Variants in RMND5A observed in about 807,000 individuals in gnomAD.
RMND5A encodes the protein required for meiotic nuclear division 5 homolog A, also known as E3 ubiquitin-protein transferase RMND5A.
RMND5A carries 17 observed loss-of-function variants against 49.7 expected under a neutral mutation model. The ratio of observed to expected loss-of-function variants is 0.34; its 90% CI spans 0.23 to 0.51. The LOEUF (loss-of-function observed/expected upper bound fraction) is 0.51, where lower values mean the gene tolerates loss of function less well. RMND5A is among the 20% of genes least tolerant of loss of function. RMND5A has a pLI of 0.96. For synonymous variants in RMND5A, 156 were observed against 167.7 expected (o/e 0.93, Z 0.54); for missense variants, 255 against 471.3 (o/e 0.54, Z 4.25).
chr2:86,752,921 A>C (rs1681660839), intron 3 of RMND5A, among the ~76,000 whole-genome samples: 1 of 152,174 alleles, frequency 6.6e-6, no homozygotes, highest in Non-Finnish European at 1.5e-5. Flanking sequence ...TGTCCATGTA[A>C]TTTCCTGCAG....
chr2:86,742,934 A>C (rs1681474294), intron 2 of RMND5A, among the ~76,000 whole-genome samples: 1 of 152,028 alleles, frequency 6.6e-6, no homozygotes. Context: ...TGTGTGGGCT[A>C]CTGACCAGGA....
intron 4 of RMND5A, 83 bp downstream of exon 4, chr2:86,753,641 T>C (rs1432388469): frequency 3.0e-6 from 2 of 658,292 alleles, no homozygotes; most frequent in African/African-American, 3.7e-5. Flanking sequence ...TAGAGATTTT[T>C]AGATATATTT....
In RMND5A at chr2:86,720,565, C is replaced by T. The variant is rs1681181162; in HGVS notation, c.-103C>T. ...CCTCGGCCGCCTCAGCCTCCCGCGC[C>T]GCCCGCTTGGGGAACGAGGAGCAGG... On this transcript the variant is annotated 5_prime_UTR_variant, in exon 1 of 9. Transcript: ENST00000283632. 4.1e-5 allele frequency: 44 copies of T among 1,077,354 alleles called. No homozygotes were observed. The highest frequency in any genetic ancestry group is 5.2e-5 in the Non-Finnish European group (44 of 854,336). The allele number at this position is 1,077,354 out of a possible 1,614,324, so 66.7% of individuals were successfully genotyped here. A position where few individuals can be genotyped will look rare whatever the true frequency, so the allele number is the denominator to read the frequency against.
In RMND5A at chr2:86,775,340, T is replaced by C. The variant is rs1672750427; in HGVS notation, c.*1929T>C. ...TTTTTCTTTCTTTCTTTTTTTTTTT[T>C]TTTTTTTTTACCCTTTTTCTCCTTA... On this transcript the variant is annotated 3_prime_UTR_variant, in exon 9 of 9. Coordinates refer to ENST00000283632, the MANE Select transcript of RMND5A (RefSeq NM_022780.4). 1.3e-5 allele frequency: 2 copies of C among 150,310 alleles called. No homozygotes were observed. The highest frequency in any genetic ancestry group is 6.6e-5 in the Admixed American group (1 of 15,112). 9.3% of individuals were successfully genotyped at this position (150,310 alleles called of 1,614,324 possible). A position where few individuals can be genotyped will look rare whatever the true frequency, so the allele number is the denominator to read the frequency against.
rs1203793797 is a variant in RMND5A at position 86,774,277 on chromosome 2, G to A, written c.*866G>A. On this transcript the variant is annotated 3_prime_UTR_variant, in exon 9 of 9. Transcript: ENST00000283632. ...TATATCATTGCAGACACAGTGTTGTGCATGTGTGTATTGTATATGTGCACC... is the reference window on the plus strand; with the variant it reads ...TATATCATTGCAGACACAGTGTTGTACATGTGTGTATTGTATATGTGCACC... 2 of 152,620 alleles carry A rather than the reference G, an allele frequency of 1.3e-5. No individual in the cohort carries two copies. Among genetic ancestry groups the A allele is most frequent in the Non-Finnish European group, 2.9e-5 (2 of 68,036 alleles). 9.5% of individuals were successfully genotyped at this position (152,620 alleles called of 1,614,324 possible).
In RMND5A at chr2:86,744,979, TTAAAA is replaced by T. The variant is rs902294674; in HGVS notation, c.285+3915_285+3919del. ...CCACTGTGCCTGGCCCATTATTTAT[TTAAAA>T]TAAATAATATTTGTTCTGTGACAAT... On this transcript the variant is annotated intron_variant, in intron 2 of 8. Transcript: ENST00000283632. Among the ~76,000 whole-genome samples the T allele has an allele frequency of 9.0e-5, 9 of 100,454 alleles. No individual in the cohort carries two copies. The East Asian group carries it at 3.1e-3, about 35-fold the overall frequency. The allele number at this position is 100,454 out of a possible 152,430, so 65.9% of individuals were successfully genotyped here.
chr2:86,753,441 T>C lies in RMND5A; in HGVS notation c.421-17T>C. On this transcript the variant is annotated splice_polypyrimidine_tract_variant and intron_variant, in intron 3 of 8. Transcript: ENST00000283632. ...GATTACTGCTAACAAAAGTTCTTTC[T>C]TTCTTTCTTTTTCCAGGAATCTGGT... is the stretch of plus-strand genomic sequence containing the variant. 6.6e-7 allele frequency: 1 copy of C among 1,511,028 alleles called. No individual in the cohort carries two copies. The highest frequency in any genetic ancestry group is 1.1e-5 in the South Asian group (1 of 87,208). 93.6% of individuals were successfully genotyped at this position (1,511,028 alleles called of 1,614,324 possible). A position where few individuals can be genotyped will look rare whatever the true frequency, so the allele number is the denominator to read the frequency against.
Position 86,773,391 on chromosome 2 carries a change from G to A in RMND5A, c.1156G>A (p.Ala386Thr). Reference protein sequence around the residue: ...YCPMEQSPGDAKQIFF With the variant: ...YCPMEQSPGDTKQIFF Reference sequence around the variant, plus strand: ...TCCAATGGAACAAAGTCCAGGAGATGCCAAACAGATATTTTTCTGAAGAGA... The same window carrying A: ...TCCAATGGAACAAAGTCCAGGAGATACCAAACAGATATTTTTCTGAAGAGA... The change falls in exon 9 of 9, where the codon GCC becomes ACC. Residue 386 changes from alanine (A) to threonine (T), a missense_variant. Ala to Thr is a moderately conservative substitution (Grantham distance 58). Around this residue, in one of 3 missense-constraint regions of RMND5A, gnomAD observed 208 missense variants for 339.8 expected, o/e 0.61. Transcript: ENST00000283632. The A allele has an allele frequency of 6.2e-7, 1 of 1,606,954 alleles. No homozygotes were observed. The highest frequency in any genetic ancestry group is 8.5e-7 in the Non-Finnish European group (1 of 1,173,666).
At chr2:86,760,965 A>AGTGTGTGT (rs35942120) in intron 4 of RMND5A, among the ~76,000 whole-genome samples, 1,824 of 145,416 alleles carry the variant, frequency 0.013, 22 homozygotes, top group African/African-American at 0.032. Flanking sequence ...GAGAGAGAGA[A>AGTGTGTGT]GTGTGTGTGT....
At chr2:86,743,221 T>C (rs1304422768) in intron 2 of RMND5A, among the ~76,000 whole-genome samples, 1 of 152,170 alleles carries the variant, frequency 6.6e-6, no homozygotes, top group African/African-American at 2.4e-5. Context: ...GTGCCAAACA[T>C]GGAAGTATCT....
chr2:86,767,283 C>T (rs1672614448), intron 6 of RMND5A, among the ~76,000 whole-genome samples: 1 of 152,136 alleles, frequency 6.6e-6, no homozygotes, highest in Non-Finnish European at 1.5e-5. Context: ...ATGCTGGTCT[C>T]GAATTCCTGA....
At chr2:86,728,572 G>A (rs1681305521) in intron 1 of RMND5A, among the ~76,000 whole-genome samples, 1 of 83,652 alleles carries the variant, frequency 1.2e-5, no homozygotes, top group Non-Finnish European at 2.5e-5. Flanking sequence ...CCAAAGTGCT[G>A]GGATTACAGG....
chr2:86,754,732 A>AT (rs921228900), intron 4 of RMND5A, among the ~76,000 whole-genome samples: 11 of 151,220 alleles, frequency 7.3e-5, no homozygotes, highest in Admixed American at 2.0e-4. Context: ...ATTAAAAAAA[A>AT]TTTTTTTTTG....
intron 7 of RMND5A, among the ~76,000 whole-genome samples, chr2:86,771,149 A>C (rs1672680381): frequency 6.6e-6 from 1 of 152,216 alleles, no homozygotes; most frequent in Non-Finnish European, 1.5e-5. Flanking sequence ...AACTTGAACA[A>C]GTGAAAAGAA....
intron 2 of RMND5A, among the ~76,000 whole-genome samples, chr2:86,751,277 CTG>C (rs1172075195): frequency 1.3e-5 from 2 of 152,118 alleles, no homozygotes; most frequent in Non-Finnish European, 2.9e-5. Context: ...TAGATTTGTC[CTG>C]TGTGTGTAAC....
intron 6 of RMND5A, among the ~76,000 whole-genome samples, chr2:86,768,585 G>T (rs141041211): frequency 2.0e-4 from 30 of 152,352 alleles, no homozygotes; most frequent in African/African-American, 7.0e-4. Context: ...TCTCCCATCC[G>T]TGAGGAGCTC....
chr2:86,762,808 A>G (rs36031237), intron 4 of RMND5A, among the ~76,000 whole-genome samples: 1 of 151,122 alleles, frequency 6.6e-6, no homozygotes, highest in South Asian at 2.1e-4. Context: ...TGGGAGGCCA[A>G]GGCGGGAGGA....
intron 6 of RMND5A, among the ~76,000 whole-genome samples, chr2:86,769,088 CTACCA>C (rs1273457791): frequency 6.6e-6 from 1 of 152,150 alleles, no homozygotes; most frequent in East Asian, 1.9e-4. Context: ...TAGGCACATG[CTACCA>C]TACCTGGCTA....
At chr2:86,732,385 C>T (rs938473892) in intron 1 of RMND5A, among the ~76,000 whole-genome samples, 42 of 149,630 alleles carry the variant, frequency 2.8e-4, no homozygotes, top group South Asian at 2.1e-4. Flanking sequence ...GGATGAGAAA[C>T]GTACTTGTCA....
Sources: gnomAD v4.1 joint callset for allele counts (sites outside exome capture counted in the v4.1 genomes callset) on GRCh38, gnomAD v4.1.1 for gene constraint, gnomAD v4.1.1 regional missense constraint, MANE v1.5 for transcripts, NCBI Gene and HGNC (gene_info 2026-07-23, HGNC 2026-07-21) for gene names.